The following PDLIM5 variants were observed in gnomAD, a reference collection of about 807,000 sequenced individuals.
PDLIM5 encodes the protein PDZ and LIM domain protein 5.
PDLIM5 carries 34 observed loss-of-function variants against 64.2 expected under a neutral mutation model. The ratio of observed to expected loss-of-function variants is 0.53; its 90% confidence interval spans 0.40 to 0.71. The LOEUF (loss-of-function observed/expected upper bound fraction) is 0.71, where lower values mean the gene tolerates loss of function less well. Among genes scored for constraint, PDLIM5 ranks in the 30% least tolerant of loss-of-function variants. The pLI is 0.00. For synonymous variants in PDLIM5, 253 were observed against 269.1 expected (o/e 0.94, Z 0.59); for missense variants, 683 against 733.6 (o/e 0.93, Z 0.80).
At chr4:94,578,455 G>A (rs1735465546) in intron 5 of PDLIM5, among the ~76,000 whole-genome samples, 1 of 151,996 alleles carries the variant, frequency 6.6e-6, no homozygotes, top group African/African-American at 2.4e-5. Flanking sequence ...TTGCAAACTG[G>A]GTGTATTTAA....
intron 8 of PDLIM5, among the ~76,000 whole-genome samples, chr4:94,638,659 G>T (rs1740764474): frequency 6.6e-6 from 1 of 152,032 alleles, no homozygotes; most frequent in African/African-American, 2.4e-5. Context: ...CTGTTAATTT[G>T]TATTATTTGT....
At chr4:94,637,859 G>A (rs1487034687) in intron 8 of PDLIM5, among the ~76,000 whole-genome samples, 1 of 152,198 alleles carries the variant, frequency 6.6e-6, no homozygotes, top group African/African-American at 2.4e-5. Flanking sequence ...GTGGTTAGGA[G>A]ACTTGCAATA....
At chr4:94,529,928 A>G (rs542036578) in intron 3 of PDLIM5, among the ~76,000 whole-genome samples, 1 of 152,208 alleles carries the variant, frequency 6.6e-6, no homozygotes, top group Non-Finnish European at 1.5e-5. Flanking sequence ...ATCAAAGTGG[A>G]TCATTTTTTA....
Position 94,629,199 on chromosome 4 carries a change from A to C in PDLIM5, c.1108+11008A>C, listed in dbSNP as rs1000966368. 3.3e-5 allele frequency among the ~76,000 whole-genome samples: 5 copies of C among 152,250 alleles called. No homozygotes were observed. In the East Asian group the frequency reaches 5.8e-4, roughly 18 times the overall value. ...CCCGATCTCTATTAAAAATACAAAA[A>C]TAAGCTGGGCGTGGTGGCGTGTGCC... On this transcript the variant is annotated intron_variant, in intron 8 of 12. Coordinates refer to ENST00000317968, the MANE Select transcript of PDLIM5 (RefSeq NM_006457.5).
chr4:94,667,715 A>G lies in PDLIM5; in HGVS notation c.*3648A>G, dbSNP rs1743142682. 6.6e-6 allele frequency: 1 copy of G among 152,200 alleles called. No individual in the cohort carries two copies. Among genetic ancestry groups the G allele is most frequent in the Non-Finnish European group, 1.5e-5 (1 of 68,030 alleles). The allele number at this position is 152,200 out of a possible 1,614,324, so 9.4% of individuals were successfully genotyped here. ...AAACCTAATCATTTAGTCACAGTGT[A>G]AAAACAAATGGAAATAACAGCTCAA... is the stretch of plus-strand genomic sequence containing the variant. On this transcript the variant is annotated 3_prime_UTR_variant, in exon 13 of 13. Transcript: ENST00000317968.
intron 5 of PDLIM5, among the ~76,000 whole-genome samples, chr4:94,583,189 C>G (rs1735880017): frequency 6.6e-6 from 1 of 151,956 alleles, no homozygotes; most frequent in South Asian, 2.1e-4. Context: ...GTTTCAGAAC[C>G]AGAAAACACT....
chr4:94,488,182 C>A (rs1191566788), intron 2 of PDLIM5, among the ~76,000 whole-genome samples: 1 of 152,154 alleles, frequency 6.6e-6, no homozygotes, highest in Non-Finnish European at 1.5e-5. Context: ...GTGAAATCAA[C>A]ATTTAGATTG....
Position 94,665,651 on chromosome 4 carries a change from T to A in PDLIM5, c.*1584T>A, listed in dbSNP as rs999660597. 8 of 1,037,662 alleles carry A rather than the reference T, an allele frequency of 7.7e-6. No individual in the cohort carries two copies. The highest frequency in any genetic ancestry group is 5.1e-5 in the African/African-American group (3 of 59,222). 64.3% of individuals were successfully genotyped at this position (1,037,662 alleles called of 1,614,324 possible). ...AGTTATGCCACTGGCTGATGAAGAG[T>A]TGAGAGGTCTCTTTGCAGAATGATC... On this transcript the variant is annotated 3_prime_UTR_variant, in exon 13 of 13. Coordinates refer to ENST00000317968, the MANE Select transcript of PDLIM5 (RefSeq NM_006457.5).
At chr4:94,602,147 A>G (rs1487606734) in intron 7 of PDLIM5, among the ~76,000 whole-genome samples, 1 of 152,158 alleles carries the variant, frequency 6.6e-6, no homozygotes, top group African/African-American at 2.4e-5. Context: ...TAAAACGTAT[A>G]TTTCAAGGTT....
intron 9 of PDLIM5, among the ~76,000 whole-genome samples, 192 bp downstream of exon 9, chr4:94,640,642 G>A (rs1055843152): frequency 6.6e-6 from 1 of 151,860 alleles, no homozygotes; most frequent in Non-Finnish European, 1.5e-5. Flanking sequence ...GTAATACGGA[G>A]GTCTGTGAAA....
At position 94,657,433 on chromosome 4, in the gene PDLIM5, A is replaced by G. The variant is rs144752025; in HGVS notation, c.1471A>G (p.Ile491Val). ...AATTACCTTTCTGTAACAGGAAGTC[A>G]TCAGTGCGTTGAAACAAACTTGGCA... The part of the protein sequence containing the change: ...RCQRKILGEV[I>V]SALKQTWHVS... Residue 491 changes from isoleucine (I) to valine (V), a missense_variant, in exon 11 of 13, where the codon ATC becomes GTC. Coordinates refer to ENST00000317968, the MANE Select transcript of PDLIM5 (RefSeq NM_006457.5). The G allele has an allele frequency of 3.9e-4, 625 of 1,592,486 alleles. 3 individuals carry two copies. Among genetic ancestry groups the G allele is most frequent in the Non-Finnish European group, 1.2e-4 (139 of 1,160,930 alleles).
chr4:94,664,476 C>T lies in PDLIM5; in HGVS notation c.*409C>T, dbSNP rs1742968596. On this transcript the variant is annotated 3_prime_UTR_variant, in exon 13 of 13. Coordinates refer to ENST00000317968, the MANE Select transcript of PDLIM5 (RefSeq NM_006457.5). ...AAAATGCCTTAAATTTTATCAATAA[C>T]AGAATTATTGTATTTAAAAAAAAAC... The T allele has an allele frequency of 2.8e-6, 2 of 715,952 alleles. No homozygotes were observed. The highest frequency in any genetic ancestry group is 3.4e-6 in the Non-Finnish European group (2 of 587,376). 44.3% of individuals were successfully genotyped at this position (715,952 alleles called of 1,614,324 possible).
At position 94,454,359 on chromosome 4, in the gene PDLIM5, A is replaced by T. The variant is rs866341582; in HGVS notation, c.-42-888A>T. Reference sequence around the variant, plus strand: ...TTTTTTTTTGCTTTTTAAAAATTATATGAAAGTACTACTAGGAGAGTCATC... The same window carrying T: ...TTTTTTTTTGCTTTTTAAAAATTATTTGAAAGTACTACTAGGAGAGTCATC... On this transcript the variant is annotated intron_variant, in intron 1 of 12. Transcript: ENST00000317968. Among the ~76,000 whole-genome samples, 4 of 147,884 alleles carry T rather than the reference A, an allele frequency of 2.7e-5. No homozygotes were observed. The South Asian group carries it at 8.7e-4, about 32-fold the overall frequency.
chr4:94,456,002 A>G, intron 2 of PDLIM5: 5 of 1,406,014 alleles, frequency 3.6e-6, no homozygotes, highest in Middle Eastern at 3.9e-4. Context: ...ATATGTTTTC[A>G]TGATGATGAT....
At chr4:94,608,066 A>G (rs1358039227) in intron 7 of PDLIM5, 2 of 1,529,614 alleles carry the variant, frequency 1.3e-6, no homozygotes, top group Non-Finnish European at 8.8e-7. Flanking sequence ...TAGGTTTGAC[A>G]GTGCTCTGGA....
At chr4:94,514,128 A>G (rs900584457) in intron 2 of PDLIM5, among the ~76,000 whole-genome samples, 3 of 117,886 alleles carry the variant, frequency 2.5e-5, no homozygotes, top group Non-Finnish European at 5.3e-5. Context: ...GTTTGCTAGT[A>G]TTTTCTTTTT....
rs561988693 is a variant in PDLIM5 at position 94,585,925 on chromosome 4, G to A, written c.883+188G>A. 3.0e-4 allele frequency among the ~76,000 whole-genome samples: 46 copies of A among 152,132 alleles called. 1 individual carries two copies. In the East Asian group the frequency reaches 4.1e-3, roughly 13 times the overall value. On this transcript the variant is annotated intron_variant, in intron 6 of 12. Transcript: ENST00000317968. ...AGTGGCTCACGCCTGTAATCCCAGC[G>A]CTTTGGGAGGCCGAGGCAGGCAGAT...
At chr4:94,533,531 T>C (rs1731071081) in intron 3 of PDLIM5, among the ~76,000 whole-genome samples, 1 of 152,218 alleles carries the variant, frequency 6.6e-6, no homozygotes, top group South Asian at 2.1e-4. Flanking sequence ...GGCACCAGCA[T>C]TGGCTTTGAA....
intron 2 of PDLIM5, among the ~76,000 whole-genome samples, chr4:94,468,909 T>G (rs1470473260): frequency 6.6e-6 from 1 of 152,184 alleles, no homozygotes; most frequent in Non-Finnish European, 1.5e-5. Flanking sequence ...TGCTTTTCCA[T>G]TTTCTGACAA....
Sources: allele counts gnomAD v4.1 joint callset (sites outside exome capture counted in the v4.1 genomes callset), GRCh38; gene constraint gnomAD v4.1.1; transcripts MANE v1.5; gene names NCBI Gene and HGNC (gene_info 2026-07-23, HGNC 2026-07-21).